The following PALMD variants were observed in gnomAD, a reference collection of about 807,000 sequenced individuals.
The protein encoded by PALMD is palmdelphin.
In PALMD, 42 loss-of-function variants were observed where a neutral mutation model predicts 56.2. The ratio of observed to expected loss-of-function variants is 0.75; its 90% CI spans 0.58 to 0.97. The LOEUF is 0.97. PALMD is among the 50% of genes least tolerant of loss of function. The probability of loss-of-function intolerance (pLI) is 0.00; values close to 1 mark genes in which losing one functional copy is unlikely to be tolerated. For missense variants in PALMD, 660 were observed against 643.8 expected (o/e 1.03, Z -0.27); for synonymous variants, 242 against 222.9 (o/e 1.09, Z -0.76).
intron 3 of PALMD, among the ~76,000 whole-genome samples, chr1:99,681,105 A>ATGTGTGTG: frequency 1.3e-5 from 2 of 148,852 alleles, no homozygotes; most frequent in South Asian, 2.1e-4. Context: ...GTGTGTATAT[A>ATGTGTGTG]TGTGTGTGTG....
chr1:99,659,159 T>C (rs1424006704), intron 1 of PALMD, among the ~76,000 whole-genome samples: 1 of 152,214 alleles, frequency 6.6e-6, no homozygotes, highest in Non-Finnish European at 1.5e-5. Flanking sequence ...ACTAAAATAC[T>C]TACTTATACT....
intron 3 of PALMD, chr1:99,669,885 C>T (rs1208067299): frequency 6.6e-6 from 1 of 152,178 alleles, no homozygotes; most frequent in Admixed American, 6.5e-5. Context: ...AGGCACTTTA[C>T]ATATATTGTC....
intron 1 of PALMD, among the ~76,000 whole-genome samples, chr1:99,655,673 T>C (rs1488022466): frequency 6.6e-6 from 1 of 152,198 alleles, no homozygotes; most frequent in Non-Finnish European, 1.5e-5. Flanking sequence ...TATAAATTTT[T>C]CTACCCCCTG....
intron 2 of PALMD, among the ~76,000 whole-genome samples, chr1:99,667,140 A>G (rs1652982792): frequency 6.6e-6 from 1 of 152,198 alleles, no homozygotes; most frequent in Admixed American, 6.5e-5. Flanking sequence ...CACCATTCCA[A>G]TTAATCCCAC....
At chr1:99,673,847 A>C (rs1653143563) in intron 3 of PALMD, among the ~76,000 whole-genome samples, 1 of 152,214 alleles carries the variant, frequency 6.6e-6, no homozygotes, top group African/African-American at 2.4e-5. Flanking sequence ...CTGTGAATAC[A>C]TAGCTTAATA....
chr1:99,656,803 C>A (rs1409006041), intron 1 of PALMD, among the ~76,000 whole-genome samples: 1 of 152,182 alleles, frequency 6.6e-6, no homozygotes, highest in African/African-American at 2.4e-5. Flanking sequence ...CCTTTCTAAG[C>A]AAGCCACTTA....
chr1:99,687,705 G>T (rs1232095067), intron 6 of PALMD, among the ~76,000 whole-genome samples: 1 of 152,128 alleles, frequency 6.6e-6, no homozygotes, highest in Non-Finnish European at 1.5e-5. Flanking sequence ...TTTGCAGATG[G>T]TAGTCATTTA....
intron 1 of PALMD, among the ~76,000 whole-genome samples, chr1:99,650,708 G>A (rs1652562442): frequency 6.6e-6 from 1 of 152,176 alleles, no homozygotes; most frequent in South Asian, 2.1e-4. Context: ...TCAAGGTGGT[G>A]ACAACAGAGC....
intron 1 of PALMD, among the ~76,000 whole-genome samples, chr1:99,661,729 T>TA (rs1188392238): frequency 6.6e-6 from 1 of 152,234 alleles, no homozygotes; most frequent in Non-Finnish European, 1.5e-5. Flanking sequence ...TGGTGAAAGA[T>TA]ACAACATATC....
At chr1:99,655,875 C>G (rs992345277) in intron 1 of PALMD, among the ~76,000 whole-genome samples, 11 of 152,034 alleles carry the variant, frequency 7.2e-5, no homozygotes, top group African/African-American at 2.7e-4. Flanking sequence ...TGATATTACG[C>G]TATGTATCTC....
chr1:99,657,116 T>TA (rs1652743937), intron 1 of PALMD, among the ~76,000 whole-genome samples: 2 of 152,278 alleles, frequency 1.3e-5, no homozygotes, highest in Admixed American at 6.5e-5. Context: ...TTTCTTTTCA[T>TA]AAAAAATGTC....
chr1:99,681,510 G>A (rs888591154), intron 3 of PALMD, among the ~76,000 whole-genome samples: 5 of 151,994 alleles, frequency 3.3e-5, no homozygotes, highest in African/African-American at 1.2e-4. Flanking sequence ...ATACACAAAC[G>A]TATATGTATC....
intron 3 of PALMD, among the ~76,000 whole-genome samples, chr1:99,677,146 A>C (rs891030059): frequency 6.6e-6 from 1 of 152,192 alleles, no homozygotes. Flanking sequence ...TTAGAAACAC[A>C]TAAATCCTTT....
chr1:99,689,377 G>T lies in PALMD; in HGVS notation c.1117G>T (p.Glu373Ter). The change falls in exon 7 of 8, where the codon GAG becomes TAG. Residue 373 changes from glutamate to a stop codon, truncating the protein, a stop_gained. Transcript: ENST00000263174. LOFTEE classifies it high-confidence loss of function. ...TCCAAAGCCAAGGCTGAGCCCCAGAGAGACAATATTTGGGAAATCTGAACA... is the reference window on the plus strand; with the variant it reads ...TCCAAAGCCAAGGCTGAGCCCCAGATAGACAATATTTGGGAAATCTGAACA... Reference protein sequence around the residue: ...PSPKPRLSPRETIFGKSEHQN... With the variant: ...PSPKPRLSPR The T allele has an allele frequency of 6.2e-7, 1 of 1,613,800 alleles. No homozygotes were observed. The highest frequency in any genetic ancestry group is 2.2e-5 in the East Asian group (1 of 44,836).
In PALMD at chr1:99,686,774, C is replaced by G. The variant is rs1185702405; in HGVS notation, c.350C>G (p.Thr117Arg). The part of the protein sequence containing the change: ...LKKLKSIERT[T>R]EDIIRSVKVE... ...AAACTAAAGTCAATTGAGCGGACAA[C>G]AGAAGACATTATAAGAGTGAGCATT... The change falls in exon 4 of 8, where the codon ACA becomes AGA. Residue 117 changes from threonine (T) to arginine (R), a missense_variant. Coordinates refer to ENST00000263174, the MANE Select transcript of PALMD (RefSeq NM_017734.5). The G allele has an allele frequency of 2.5e-6, 4 of 1,579,310 alleles. No homozygotes were observed. The highest frequency in any genetic ancestry group is 3.5e-6 in the Non-Finnish European group (4 of 1,150,056).
chr1:99,690,315 T>C (rs1324543285), intron 7 of PALMD, among the ~76,000 whole-genome samples: 2 of 152,190 alleles, frequency 1.3e-5, no homozygotes, highest in Non-Finnish European at 2.9e-5. Context: ...AAATTTTATT[T>C]TCAGAGTATT....
chr1:99,651,525 C>T (rs1652586474), intron 1 of PALMD, among the ~76,000 whole-genome samples: 1 of 152,216 alleles, frequency 6.6e-6, no homozygotes, highest in South Asian at 2.1e-4. Flanking sequence ...AAATGCAACA[C>T]AGTTCAATTC....
intron 3 of PALMD, among the ~76,000 whole-genome samples, chr1:99,682,607 AAAC>A (rs1653368275): frequency 6.6e-6 from 1 of 152,064 alleles, no homozygotes. Flanking sequence ...CTTCAGAGAG[AAAC>A]AACAACAAAC....
chr1:99,657,965 A>G (rs572274712), intron 1 of PALMD, among the ~76,000 whole-genome samples: 1 of 152,318 alleles, frequency 6.6e-6, no homozygotes, highest in East Asian at 1.9e-4. Flanking sequence ...TGCATCATAC[A>G]TTACTAATGC....
Sources: allele counts gnomAD v4.1 joint callset (sites outside exome capture counted in the v4.1 genomes callset), GRCh38; gene constraint gnomAD v4.1.1; transcripts MANE v1.5; gene names NCBI Gene and HGNC (gene_info 2026-07-23, HGNC 2026-07-21).